Variants in NAA25 observed in about 807,000 individuals in gnomAD.
NAA25 encodes the protein N-alpha-acetyltransferase 25, NatB auxiliary subunit.
NAA25 carries 30 observed loss-of-function variants against 132.5 expected under a neutral mutation model. The observed-to-expected ratio is 0.23, with a 90% CI of 0.17 to 0.31. NAA25 has a LOEUF of 0.31. NAA25 is among the 10% of genes least tolerant of loss of function. The pLI is 1.00. For synonymous variants in NAA25, 359 were observed against 401.9 expected (o/e 0.89, Z 1.28); for missense variants, 771 against 1,150.4 (o/e 0.67, Z 4.77).
intron 15 of NAA25, among the ~76,000 whole-genome samples, chr12:112,048,880 C>A (rs377333744): frequency 2.0e-5 from 3 of 152,000 alleles, no homozygotes; most frequent in Admixed American, 1.3e-4. Context: ...CCCCGCCCCC[C>A]CAAATAAAAA....
chr12:112,069,091 A>G (rs2078763623), intron 10 of NAA25, 99 bp from the exon 11 acceptor site: 1 of 728,652 alleles, frequency 1.4e-6, no homozygotes, highest in Middle Eastern at 2.6e-4. Flanking sequence ...AATTAAAACA[A>G]AATTTTGCTT....
In NAA25 at chr12:112,071,883, A is replaced by G; in HGVS notation, c.1036+12T>C. On this transcript the variant is annotated intron_variant, in intron 10 of 23. Transcript: ENST00000261745. ...GCATTCTCCAGGCTTACCAGATATC[A>G]TGGTTTCTTACCCAGTTTGTACTCA... The G allele has an allele frequency of 1.9e-6, 3 of 1,602,310 alleles. No individual in the cohort carries two copies. The highest frequency in any genetic ancestry group is 2.6e-6 in the Non-Finnish European group (3 of 1,173,358).
intron 1 of NAA25, among the ~76,000 whole-genome samples, chr12:112,093,434 G>A (rs914824062): frequency 5.9e-5 from 9 of 152,076 alleles, no homozygotes; most frequent in Non-Finnish European, 8.8e-5. Context: ...CCAGGTACTC[G>A]GGAGGCTGAG....
intron 9 of NAA25, among the ~76,000 whole-genome samples, chr12:112,074,159 G>A (rs375124745): frequency 2.4e-4 from 36 of 152,010 alleles, no homozygotes; most frequent in African/African-American, 7.7e-4. Flanking sequence ...TGGCCAACAC[G>A]GTGAAACCCC....
chr12:112,098,691 G>T (rs1157669119), intron 1 of NAA25, among the ~76,000 whole-genome samples: 1 of 152,166 alleles, frequency 6.6e-6, no homozygotes, highest in Non-Finnish European at 1.5e-5. Flanking sequence ...GCACGGGTGA[G>T]TGCCATTCCA....
rs1195226616 is a variant in NAA25 at position 112,047,761 on chromosome 12, G to A, written c.1910C>T (p.Ser637Leu). The change falls in exon 17 of 24, where the codon TCA becomes TTA. Residue 637 changes from serine to leucine, a missense_variant. Physicochemically the swap from Ser to Leu is moderately radical, Grantham distance 145. Coordinates refer to ENST00000261745, the MANE Select transcript of NAA25 (RefSeq NM_024953.4). Reference sequence around the variant, plus strand: ...ATCTTCTTCTGGCCTAAGGTTCATTGACTTTATACTTTCTGCTAAACTGGT... The same window carrying A: ...ATCTTCTTCTGGCCTAAGGTTCATTAACTTTATACTTTCTGCTAAACTGGT... Reference protein sequence around the residue: ...ISTSLAESIKSMNLRPEEDDI... With the variant: ...ISTSLAESIKLMNLRPEEDDI... 1.9e-6 allele frequency: 3 copies of A among 1,612,610 alleles called. No individual in the cohort carries two copies. Among genetic ancestry groups the A allele is most frequent in the Middle Eastern group, 1.7e-4 (1 of 6,060 alleles).
chr12:112,107,569 T>TG (rs576028567), intron 1 of NAA25, among the ~76,000 whole-genome samples: 3 of 143,990 alleles, frequency 2.1e-5, no homozygotes, highest in Admixed American at 6.9e-5. Context: ...GATGTGAGAG[T>TG]AAAAAAAAAA....
chr12:112,060,611 G>A (rs2078613972), intron 12 of NAA25, among the ~76,000 whole-genome samples: 1 of 152,208 alleles, frequency 6.6e-6, no homozygotes, highest in African/African-American at 2.4e-5. Flanking sequence ...CCCAAAGGGA[G>A]AGAAGGAAGA....
intron 1 of NAA25, among the ~76,000 whole-genome samples, chr12:112,098,381 C>T (rs536094235): frequency 6.6e-6 from 1 of 152,236 alleles, no homozygotes; most frequent in Non-Finnish European, 1.5e-5. Context: ...CTCCCATTTC[C>T]TGGACCTAGG....
At chr12:112,059,703 T>C (rs1356199895) in intron 13 of NAA25, among the ~76,000 whole-genome samples, 3 of 152,248 alleles carry the variant, frequency 2.0e-5, no homozygotes, top group African/African-American at 7.2e-5. Flanking sequence ...AGCTTTGTCA[T>C]AGTATTTTTT....
intron 19 of NAA25, among the ~76,000 whole-genome samples, chr12:112,042,780 T>C (rs998065144): frequency 6.6e-6 from 1 of 152,266 alleles, no homozygotes; most frequent in African/African-American, 2.4e-5. Flanking sequence ...GTGCTGGGAT[T>C]ACAGGCGTGA....
Position 112,061,214 on chromosome 12 carries a change from A to G in NAA25, c.1324T>C (p.Leu442=), listed in dbSNP as rs138667400. ...AGTCCATGCTGGTACCTTAACATCA[A>G]TTCTCTGACCACACTCAATTTCTGA... ...KNQKLSVVRE[L]MLRYQHGLEF... is the part of the protein sequence containing the mutation. The change falls in exon 12 of 24, where the codon TTG becomes CTG. Residue 442 remains leucine (L), a synonymous_variant. Transcript: ENST00000261745. 173 of 1,613,920 alleles carry G rather than the reference A, an allele frequency of 1.1e-4. No individual in the cohort carries two copies. In the African/African-American group the frequency reaches 1.9e-3, roughly 18 times the overall value.
At chr12:112,065,158 C>T (rs2078697389) in intron 11 of NAA25, among the ~76,000 whole-genome samples, 1 of 152,074 alleles carries the variant, frequency 6.6e-6, no homozygotes, top group South Asian at 2.1e-4. Flanking sequence ...GCCAAGAGTT[C>T]AAGACCAGCC....
At chr12:112,081,189 A>AGGTT (rs2078969295) in intron 4 of NAA25, 55 bp from the exon 5 acceptor site, 1 of 1,421,356 alleles carries the variant, frequency 7.0e-7, no homozygotes. Flanking sequence ...AAGGGGATTA[A>AGGTT]TGATCTAGAT....
chr12:112,041,899 C>T (rs1035242047), intron 20 of NAA25, 140 bp downstream of exon 20: 2 of 543,042 alleles, frequency 3.7e-6, no homozygotes, highest in Non-Finnish European at 6.5e-6. Context: ...GTTTAGGTGG[C>T]ATCTAGGAGT....
intron 4 of NAA25, among the ~76,000 whole-genome samples, chr12:112,086,071 T>TAC (rs71083199): frequency 1.7e-4 from 9 of 53,638 alleles, no homozygotes; most frequent in South Asian, 1.0e-3. Flanking sequence ...TATATATATA[T>TAC]ATACACACAC....
chr12:112,057,337 T>G (rs937845515), intron 13 of NAA25, among the ~76,000 whole-genome samples: 1 of 152,204 alleles, frequency 6.6e-6, no homozygotes, highest in African/African-American at 2.4e-5. Context: ...AATATTAATA[T>G]AAGAGACTAG....
intron 1 of NAA25, 56 bp from the exon 2 acceptor site, chr12:112,093,192 A>T (rs2079162060): frequency 9.4e-7 from 1 of 1,062,084 alleles, no homozygotes; most frequent in Non-Finnish European, 1.4e-6. Flanking sequence ...ACAAATATAA[A>T]AAATGCACCA....
At position 112,029,400 on chromosome 12, in the gene NAA25, G is replaced by A. The variant is rs921851186; in HGVS notation, c.*131C>T. The A allele has an allele frequency of 3.5e-6, 5 of 1,433,034 alleles. No homozygotes were observed. The highest frequency in any genetic ancestry group is 2.2e-5 in the Admixed American group (1 of 46,354). 88.8% of individuals were successfully genotyped at this position (1,433,034 alleles called of 1,614,324 possible). A position where few individuals can be genotyped will look rare whatever the true frequency, so the allele number is the denominator to read the frequency against. On this transcript the variant is annotated 3_prime_UTR_variant, in exon 24 of 24. Transcript: ENST00000261745. The stretch of plus-strand genomic sequence containing the variant: ...ATATTTAACACCTAAAAAAATTCAC[G>A]ATCAAAGTCCTTCATGCATTTTATG...
Sources: gnomAD v4.1 joint callset for allele counts (sites outside exome capture counted in the v4.1 genomes callset) on GRCh38, gnomAD v4.1.1 for gene constraint, MANE v1.5 for transcripts, NCBI Gene and HGNC (gene_info 2026-07-23, HGNC 2026-07-21) for gene names.